LIPA: variants seen among roughly 807,000 people sequenced by gnomAD.
LIPA encodes lysosomal acid lipase/cholesteryl ester hydrolase.
A neutral mutation model predicts 40.6 loss-of-function variants in LIPA; 26 were observed. The observed-to-expected ratio is 0.64, with a 90% CI of 0.47 to 0.89. The LOEUF is 0.89. LIPA is among the 40% of genes least tolerant of loss of function. The probability of loss-of-function intolerance (pLI) is 0.00; values close to 1 mark genes in which losing one functional copy is unlikely to be tolerated. For missense variants in LIPA, 455 were observed against 479.6 expected (o/e 0.95, Z 0.48); for synonymous variants, 188 against 168.4 (o/e 1.12, Z -0.90).
chr10:89,328,053 G>C, intron 1 of LIPA: 3 of 1,613,928 alleles, frequency 1.9e-6, no homozygotes, highest in Non-Finnish European at 2.5e-6. Context: ...TTTCGGAACA[G>C]CAGAGACACA....
chr10:89,321,344 T>A, intron 1 of LIPA, among the ~76,000 whole-genome samples: 1 of 152,050 alleles, frequency 6.6e-6, no homozygotes, highest in East Asian at 1.9e-4. Context: ...ATATCCAGAA[T>A]CTACAAAAAA....
intron 1 of LIPA, among the ~76,000 whole-genome samples, chr10:89,281,278 T>C (rs1430170373): frequency 6.6e-6 from 1 of 152,136 alleles, no homozygotes; most frequent in East Asian, 1.9e-4. Flanking sequence ...CCCACCCTGA[T>C]ATACAATTAA....
At chr10:89,408,394 C>G (rs1841442848) in intron 2 of LIPA, among the ~76,000 whole-genome samples, 2 of 152,206 alleles carry the variant, frequency 1.3e-5, no homozygotes, top group Admixed American at 1.3e-4. Context: ...GCAAAGCTTG[C>G]AATTTACATC....
chr10:89,359,677 T>A (rs771416483), intron 2 of LIPA, among the ~76,000 whole-genome samples: 12 of 152,172 alleles, frequency 7.9e-5, no homozygotes, highest in Non-Finnish European at 1.5e-4. Context: ...GGGGTGCTCC[T>A]CCCAGAAATG....
intron 3 of LIPA, among the ~76,000 whole-genome samples, chr10:89,235,369 G>C (rs528255666): frequency 1.5e-3 from 222 of 152,318 alleles, no homozygotes; most frequent in African/African-American, 5.2e-3. Flanking sequence ...CCCTAGGAGG[G>C]CTGGGGATTA....
At chr10:89,240,031 C>G (rs186813908) in intron 3 of LIPA, among the ~76,000 whole-genome samples, 71 of 152,294 alleles carry the variant, frequency 4.7e-4, no homozygotes, top group African/African-American at 1.6e-3. Context: ...TTATCCAGCT[C>G]TCATCCAAAA....
chr10:89,382,386 T>G (rs1844169828), intron 2 of LIPA, among the ~76,000 whole-genome samples: 1 of 152,224 alleles, frequency 6.6e-6, no homozygotes. Context: ...CAAATTTCTT[T>G]TTCTTCCTTC....
chr10:89,380,377 G>A (rs1418935441), intron 2 of LIPA, among the ~76,000 whole-genome samples: 3 of 151,784 alleles, frequency 2.0e-5, no homozygotes, highest in East Asian at 1.9e-4. Context: ...ATGGTGACGA[G>A]TCCCTGTCTG....
At chr10:89,323,354 G>A (rs1843581747) in intron 1 of LIPA, among the ~76,000 whole-genome samples, 1 of 152,064 alleles carries the variant, frequency 6.6e-6, no homozygotes, top group South Asian at 2.1e-4. Flanking sequence ...GGCGAAAGCT[G>A]AAAGATTTCC....
At chr10:89,256,535 A>G (rs537541544), upstream of LIPA, among the ~76,000 whole-genome samples, 1 of 152,366 alleles carries the variant, frequency 6.6e-6, no homozygotes, top group African/African-American at 2.4e-5. Context: ...GCAAGTGCCA[A>G]TGACAGCTTA....
At chr10:89,402,821 G>C (rs767425117) in intron 2 of LIPA, 2 of 1,614,190 alleles carry the variant, frequency 1.2e-6, no homozygotes, top group Non-Finnish European at 8.5e-7. Flanking sequence ...CTGGGTATGC[G>C]ATCTCTGCCT....
intron 1 of LIPA, among the ~76,000 whole-genome samples, chr10:89,291,139 C>T (rs532409679): frequency 2.0e-5 from 3 of 151,358 alleles, no homozygotes; most frequent in East Asian, 3.9e-4. Flanking sequence ...TTCCATCCTT[C>T]CTTCCTTTCC....
chr10:89,399,370 AT>A (rs1313118486), intron 2 of LIPA, among the ~76,000 whole-genome samples: 1 of 152,056 alleles, frequency 6.6e-6, no homozygotes, highest in African/African-American at 2.4e-5. Context: ...AAAGTTTTTA[AT>A]TTTGGTGGAG....
chr10:89,325,088 C>A (rs1330346304), intron 1 of LIPA, among the ~76,000 whole-genome samples: 1 of 151,846 alleles, frequency 6.6e-6, no homozygotes, highest in East Asian at 1.9e-4. Context: ...CCTTCAGATA[C>A]CCTAAAAAAA....
chr10:89,319,282 T>G (rs1259227841), intron 1 of LIPA, among the ~76,000 whole-genome samples: 1 of 152,190 alleles, frequency 6.6e-6, no homozygotes, highest in Non-Finnish European at 1.5e-5. Flanking sequence ...AACTGATTTT[T>G]TGAAAGGATC....
intron 1 of LIPA, chr10:89,305,902 T>C: frequency 8.3e-7 from 1 of 1,197,994 alleles, no homozygotes. Context: ...TTTGCCATGC[T>C]CCCATTTCTT....
At chr10:89,366,017 AT>A (rs1438594119) in intron 2 of LIPA, among the ~76,000 whole-genome samples, 1 of 152,220 alleles carries the variant, frequency 6.6e-6, no homozygotes, top group Non-Finnish European at 1.5e-5. Flanking sequence ...TGGGGATGGC[AT>A]TGAATCTATA....
At chr10:89,286,505 G>A (rs1843342082) in intron 1 of LIPA, among the ~76,000 whole-genome samples, 1 of 152,114 alleles carries the variant, frequency 6.6e-6, no homozygotes, top group African/African-American at 2.4e-5. Flanking sequence ...AAGGTGGCTG[G>A]AGCTAAAGGC....
At chr10:89,218,749 A>G (rs544577177) in intron 8 of LIPA, among the ~76,000 whole-genome samples, 49 of 152,298 alleles carry the variant, frequency 3.2e-4, no homozygotes, top group African/African-American at 1.2e-3. Context: ...GGGTCCCTGC[A>G]TGGCCTCATG....
Sources: allele counts gnomAD v4.1 joint callset (sites outside exome capture counted in the v4.1 genomes callset), GRCh38; gene constraint gnomAD v4.1.1; transcripts MANE v1.5; gene names NCBI Gene and HGNC (gene_info 2026-07-23, HGNC 2026-07-21).